The following CHST11 variants were observed in gnomAD, a reference collection of about 807,000 sequenced individuals.
CHST11 encodes carbohydrate sulfotransferase 11.
Under a neutral mutation model 30.4 loss-of-function variants are expected in CHST11, and 9 were observed. The ratio of observed to expected loss-of-function variants is 0.30; its 90% CI spans 0.18 to 0.52. The LOEUF (loss-of-function observed/expected upper bound fraction) is 0.52. Among genes scored for constraint, CHST11 ranks in the 20% least tolerant of loss-of-function variants. The pLI is 0.97. For synonymous variants in CHST11, 152 were observed against 187.8 expected (o/e 0.81, Z 1.56); for missense variants, 348 against 460.6 (o/e 0.76, Z 2.24).
In CHST11 at chr12:104,720,628, C is replaced by A. The variant is rs558086242; in HGVS notation, c.205-36321C>A. ...AAACAGTGTGACGTGCTGCGGTCGG[C>A]AGCCAAGACAAAAAACCCACAGACG... On this transcript the variant is annotated intron_variant, in intron 2 of 2. Transcript: ENST00000303694. Among the ~76,000 whole-genome samples, 3 of 152,244 alleles carry A rather than the reference C, an allele frequency of 2.0e-5. No individual in the cohort carries two copies. The South Asian group carries it at 6.2e-4, about 32-fold the overall frequency.
intron 2 of CHST11, among the ~76,000 whole-genome samples, chr12:104,720,441 C>T (rs2040165656): frequency 6.6e-6 from 1 of 152,228 alleles, no homozygotes; most frequent in African/African-American, 2.4e-5. Flanking sequence ...CCTCCCCTTC[C>T]AGACCCCGCA....
intron 2 of CHST11, among the ~76,000 whole-genome samples, chr12:104,743,374 G>A (rs1465659842): frequency 2.0e-5 from 3 of 152,138 alleles, no homozygotes; most frequent in Non-Finnish European, 1.5e-5. Context: ...GTTCCGCCTT[G>A]TCTTTCTCTT....
At chr12:104,636,563 C>T (rs1246928114) in intron 2 of CHST11, among the ~76,000 whole-genome samples, 1 of 152,102 alleles carries the variant, frequency 6.6e-6, no homozygotes, top group Non-Finnish European at 1.5e-5. Context: ...TTTTATTTCC[C>T]CTTGATTTTT....
At position 104,470,765 on chromosome 12, in the gene CHST11, G is replaced by A. The variant is rs75576037; in HGVS notation, c.118+13236G>A. ...GAAACTGAGGCTTAGAGAGGTGAAGGAGCCTGCCTAATCGGAAAGCTGGAA... is the reference window on the plus strand; with the variant it reads ...GAAACTGAGGCTTAGAGAGGTGAAGAAGCCTGCCTAATCGGAAAGCTGGAA... On this transcript the variant is annotated intron_variant, in intron 1 of 2. Transcript: ENST00000303694. Among the ~76,000 whole-genome samples the A allele has an allele frequency of 0.013, 1,916 of 152,288 alleles. 76 individuals carry two copies. In the East Asian group the frequency reaches 0.16, roughly 13 times the overall value.
chr12:104,568,540 G>A (rs2038591875), intron 1 of CHST11, among the ~76,000 whole-genome samples: 1 of 152,138 alleles, frequency 6.6e-6, no homozygotes, highest in Non-Finnish European at 1.5e-5. Context: ...TGCTTCCTGG[G>A]ACTTTGAATG....
intron 2 of CHST11, among the ~76,000 whole-genome samples, chr12:104,677,716 G>T (rs181396573): frequency 6.6e-6 from 1 of 152,240 alleles, no homozygotes. Context: ...GCATAGCTGC[G>T]CACAGCTTCC....
At chr12:104,572,632 T>C (rs1217974737) in intron 1 of CHST11, among the ~76,000 whole-genome samples, 1 of 152,182 alleles carries the variant, frequency 6.6e-6, no homozygotes, top group Non-Finnish European at 1.5e-5. Context: ...TTGGTAGCAG[T>C]CTATCAATTT....
chr12:104,565,258 A>ATTTTTTTT (rs66825272), intron 1 of CHST11, among the ~76,000 whole-genome samples: 24 of 72,928 alleles, frequency 3.3e-4, no homozygotes, highest in Middle Eastern at 9.8e-3. Flanking sequence ...GTTTTCTAGG[A>ATTTTTTTT]TTTTTTTTTT....
chr12:104,660,452 A>C (rs2039588997), intron 2 of CHST11, among the ~76,000 whole-genome samples: 1 of 152,224 alleles, frequency 6.6e-6, no homozygotes, highest in South Asian at 2.1e-4. Flanking sequence ...AAACATGGCT[A>C]TGGTAGTTTC....
chr12:104,670,061 C>T (rs978901889), intron 2 of CHST11, among the ~76,000 whole-genome samples: 16 of 152,242 alleles, frequency 1.1e-4, no homozygotes, highest in Non-Finnish European at 2.4e-4. Context: ...TTCACCTAAG[C>T]CAACAGCTGG....
Position 104,680,474 on chromosome 12 carries a change from G to A in CHST11, c.205-76475G>A, listed in dbSNP as rs78701954. On this transcript the variant is annotated intron_variant, in intron 2 of 2. Coordinates refer to ENST00000303694, the MANE Select transcript of CHST11 (RefSeq NM_018413.6). ...GGCAGGCACACAGGGGCCAATCTGC[G>A]GGGCCTGGTCAGACCACAGAAGTAA... Among the ~76,000 whole-genome samples, 1,222 of 152,328 alleles carry A rather than the reference G, an allele frequency of 8.0e-3. 12 individuals are homozygous for A. Among genetic ancestry groups the A allele is most frequent in the African/African-American group, 0.028 (1,145 of 41,568 alleles).
chr12:104,637,031 A>G (rs1257239576), intron 2 of CHST11, among the ~76,000 whole-genome samples: 1 of 152,036 alleles, frequency 6.6e-6, no homozygotes, highest in East Asian at 1.9e-4. Context: ...GGCTAGGCAC[A>G]GTGGCTCACA....
intron 1 of CHST11, among the ~76,000 whole-genome samples, chr12:104,545,807 GTC>G (rs369401481): frequency 1.9e-4 from 29 of 150,118 alleles, no homozygotes; most frequent in African/African-American, 7.1e-4. Flanking sequence ...ACTCTCTAGG[GTC>G]TCTCTCTCTC....
chr12:104,749,131 A>G (rs1350417314), intron 2 of CHST11, among the ~76,000 whole-genome samples: 2 of 152,210 alleles, frequency 1.3e-5, no homozygotes, highest in African/African-American at 2.4e-5. Context: ...CTTAGGTGGA[A>G]GTGAATCGTG....
At chr12:104,737,861 C>T (rs1404629357) in intron 2 of CHST11, among the ~76,000 whole-genome samples, 1 of 152,076 alleles carries the variant, frequency 6.6e-6, no homozygotes, top group Non-Finnish European at 1.5e-5. Flanking sequence ...GCGAGGCTGT[C>T]CCCTGGGAAG....
intron 2 of CHST11, among the ~76,000 whole-genome samples, chr12:104,722,656 G>A (rs1022602244): frequency 1.3e-5 from 2 of 152,024 alleles, no homozygotes; most frequent in African/African-American, 2.4e-5. Flanking sequence ...CCTGTGATCT[G>A]GTTCTCTCTT....
intron 1 of CHST11, among the ~76,000 whole-genome samples, chr12:104,512,612 T>C (rs1296136612): frequency 6.6e-6 from 1 of 152,192 alleles, no homozygotes; most frequent in Admixed American, 6.5e-5. Context: ...TATAGGGTCA[T>C]CAATATAGGC....
At chr12:104,530,399 C>T (rs554437689) in intron 1 of CHST11, among the ~76,000 whole-genome samples, 1 of 152,304 alleles carries the variant, frequency 6.6e-6, no homozygotes, top group South Asian at 2.1e-4. Context: ...TGTTCTATTG[C>T]ATGATTTGCC....
chr12:104,621,860 C>T (rs2039162417), intron 2 of CHST11, among the ~76,000 whole-genome samples: 2 of 152,228 alleles, frequency 1.3e-5, no homozygotes, highest in Admixed American at 6.5e-5. Flanking sequence ...AAGCTTCCCT[C>T]TCCCAAGACC....
Sources: allele counts gnomAD v4.1 joint callset (sites outside exome capture counted in the v4.1 genomes callset), GRCh38; gene constraint gnomAD v4.1.1; transcripts MANE v1.5; gene names NCBI Gene and HGNC (gene_info 2026-07-23, HGNC 2026-07-21).